Variants in ST6GALNAC3 observed in about 807,000 individuals in gnomAD.
The protein encoded by ST6GALNAC3 is ST6 N-acetylgalactosaminide alpha-2,6-sialyltransferase 3, also known as alpha-N-acetylgalactosaminide alpha-2,6-sialyltransferase 3.
A neutral mutation model predicts 32.7 loss-of-function variants in ST6GALNAC3; 25 were observed. The observed-to-expected ratio is 0.76, with a 90% CI of 0.56 to 1.07. The LOEUF is 1.07. Ranked by LOEUF, ST6GALNAC3 falls within the 50% of genes least tolerant of loss-of-function variation. The pLI is 0.00. For missense variants in ST6GALNAC3, 355 were observed against 382.4 expected (o/e 0.93, Z 0.60); for synonymous variants, 129 against 133.1 (o/e 0.97, Z 0.21).
chr1:76,323,070 A>G (rs1410324449), intron 2 of ST6GALNAC3, among the ~76,000 whole-genome samples: 1 of 152,126 alleles, frequency 6.6e-6, no homozygotes, highest in Admixed American at 6.5e-5. Context: ...GTTTCATAAT[A>G]TGTGTATTTG....
chr1:76,551,832 C>T (rs1194479896), intron 3 of ST6GALNAC3, among the ~76,000 whole-genome samples: 2 of 152,160 alleles, frequency 1.3e-5, no homozygotes, highest in Non-Finnish European at 2.9e-5. Flanking sequence ...CCCCTCCCAA[C>T]CCCCACCACA....
chr1:76,520,842 T>C (rs1223318997), intron 3 of ST6GALNAC3, among the ~76,000 whole-genome samples: 1 of 152,216 alleles, frequency 6.6e-6, no homozygotes, highest in Non-Finnish European at 1.5e-5. Flanking sequence ...ACCACTCTAC[T>C]GTTGTACACA....
At chr1:76,319,205 G>A (rs866399539) in intron 2 of ST6GALNAC3, among the ~76,000 whole-genome samples, 30 of 152,216 alleles carry the variant, frequency 2.0e-4, no homozygotes, top group Middle Eastern at 3.4e-3. Context: ...GGTATTTGGG[G>A]AAGAGTGCCC....
intron 1 of ST6GALNAC3, among the ~76,000 whole-genome samples, chr1:76,288,809 G>A (rs180841762): frequency 2.0e-5 from 3 of 152,302 alleles, no homozygotes; most frequent in Non-Finnish European, 4.4e-5. Flanking sequence ...TCAGATGGGA[G>A]AGCTCTATTT....
chr1:76,376,334 T>G (rs1424709830), intron 2 of ST6GALNAC3, among the ~76,000 whole-genome samples: 1 of 152,210 alleles, frequency 6.6e-6, no homozygotes, highest in African/African-American at 2.4e-5. Context: ...TGCATGTGTG[T>G]GCATGTTTAA....
At position 76,313,844 on chromosome 1, in the gene ST6GALNAC3, C is replaced by G. The variant is rs771158980; in HGVS notation, c.58C>G (p.Leu20Val). 31 of 1,613,498 alleles carry G rather than the reference C, an allele frequency of 1.9e-5. 1 individual carries two copies. In the South Asian group the frequency reaches 3.2e-4, roughly 17 times the overall value. Reference protein sequence around the residue: ...VIAVSFIAAFLFLLVVRLVNE... With the variant: ...VIAVSFIAAFVFLLVVRLVNE... ...TGCTGTGAGCTTCATAGCAGCGTTC[C>G]TTTTCCTGCTGGTTGTGCGTCTTGT... Residue 20 changes from leucine (L) to valine (V), a missense_variant, in exon 2 of 5, where the codon CTT becomes GTT. Physicochemically the swap from Leu to Val is conservative, Grantham distance 32. Coordinates refer to ENST00000328299, the MANE Select transcript of ST6GALNAC3 (RefSeq NM_152996.4).
intron 1 of ST6GALNAC3, among the ~76,000 whole-genome samples, chr1:76,159,241 T>G (rs1458882290): frequency 6.6e-6 from 1 of 152,158 alleles, no homozygotes; most frequent in Non-Finnish European, 1.5e-5. Context: ...CAGGCTGGAG[T>G]GCAGTGGCAC....
chr1:76,555,579 C>T (rs1007863812), intron 3 of ST6GALNAC3, among the ~76,000 whole-genome samples: 3 of 152,052 alleles, frequency 2.0e-5, no homozygotes, highest in Non-Finnish European at 4.4e-5. Flanking sequence ...AGGTGAGACC[C>T]ATTGATCAGT....
At chr1:76,467,611 T>C (rs148470973) in intron 3 of ST6GALNAC3, among the ~76,000 whole-genome samples, 81 of 152,012 alleles carry the variant, frequency 5.3e-4, no homozygotes, top group African/African-American at 1.8e-3. Flanking sequence ...GAGATAAAAA[T>C]TATGTATACA....
intron 3 of ST6GALNAC3, among the ~76,000 whole-genome samples, chr1:76,561,207 G>T (rs1352920030): frequency 4.6e-5 from 7 of 152,136 alleles, no homozygotes; most frequent in Non-Finnish European, 8.8e-5. Context: ...GGCTAGGAAG[G>T]ATAGTGGGAG....
chr1:76,486,090 A>C (rs1424461094), intron 3 of ST6GALNAC3, among the ~76,000 whole-genome samples: 3 of 152,172 alleles, frequency 2.0e-5, no homozygotes, highest in Admixed American at 6.6e-5. Context: ...TCTGAGAGAC[A>C]GTTTGTTATA....
intron 1 of ST6GALNAC3, among the ~76,000 whole-genome samples, chr1:76,152,582 C>T (rs1374340395): frequency 6.6e-6 from 1 of 152,186 alleles, no homozygotes; most frequent in Non-Finnish European, 1.5e-5. Context: ...GAGCCTGAGG[C>T]TTCCCAGGAG....
At chr1:76,560,494 C>A (rs1665184037) in intron 3 of ST6GALNAC3, among the ~76,000 whole-genome samples, 1 of 152,088 alleles carries the variant, frequency 6.6e-6, no homozygotes, top group African/African-American at 2.4e-5. Flanking sequence ...AGGAAAAAAT[C>A]TAATAATCCA....
chr1:76,169,887 G>A (rs1652364294), intron 1 of ST6GALNAC3, among the ~76,000 whole-genome samples: 1 of 152,088 alleles, frequency 6.6e-6, no homozygotes. Flanking sequence ...GATTTGGAGA[G>A]GTGATGCAGT....
intron 1 of ST6GALNAC3, among the ~76,000 whole-genome samples, chr1:76,234,932 G>A (rs528805003): frequency 6.6e-6 from 1 of 152,248 alleles, no homozygotes; most frequent in East Asian, 1.9e-4. Context: ...ATAATCAGAT[G>A]CTAACATTAC....
chr1:76,166,315 G>A (rs767944443), intron 1 of ST6GALNAC3, among the ~76,000 whole-genome samples: 1 of 152,002 alleles, frequency 6.6e-6, no homozygotes, highest in African/African-American at 2.4e-5. Flanking sequence ...AGTTGTAGGT[G>A]TATGGCCTTA....
chr1:76,415,232 C>A (rs1187645590), intron 3 of ST6GALNAC3, among the ~76,000 whole-genome samples: 1 of 121,782 alleles, frequency 8.2e-6, no homozygotes, highest in Non-Finnish European at 1.7e-5. Flanking sequence ...AGAAGAAATA[C>A]TCTCTAGTTT....
intron 3 of ST6GALNAC3, among the ~76,000 whole-genome samples, chr1:76,441,060 C>G (rs941998454): frequency 1.1e-4 from 15 of 137,250 alleles, no homozygotes; most frequent in Non-Finnish European, 1.8e-4. Context: ...TGCACTCCAG[C>G]CTGGGCGACA....
At chr1:76,450,067 C>G (rs1035709466) in intron 3 of ST6GALNAC3, among the ~76,000 whole-genome samples, 2 of 152,094 alleles carry the variant, frequency 1.3e-5, no homozygotes, top group Non-Finnish European at 2.9e-5. Flanking sequence ...CGTATAATGA[C>G]TTCTTTTCCT....
Sources: gnomAD v4.1 joint callset for allele counts (sites outside exome capture counted in the v4.1 genomes callset) on GRCh38, gnomAD v4.1.1 for gene constraint, MANE v1.5 for transcripts, NCBI Gene and HGNC (gene_info 2026-07-23, HGNC 2026-07-21) for gene names.